The following ARHGAP28 variants were observed in gnomAD, a reference collection of about 807,000 sequenced individuals.
The protein encoded by ARHGAP28 is Rho GTPase activating protein 28.
In ARHGAP28, 56 loss-of-function variants were observed where a neutral mutation model predicts 90.7. That is an observed-to-expected ratio of 0.62 (90% CI 0.50 to 0.77). The LOEUF (loss-of-function observed/expected upper bound fraction) is 0.77. Among genes scored for constraint, ARHGAP28 ranks in the 30% least tolerant of loss-of-function variants. The pLI is 0.00. For missense variants in ARHGAP28, 869 were observed against 900.9 expected (o/e 0.96, Z 0.45); for synonymous variants, 308 against 323.3 (o/e 0.95, Z 0.51).
At chr18:6,831,378 A>G (rs970573791) in intron 2 of ARHGAP28, among the ~76,000 whole-genome samples, 6 of 150,440 alleles carry the variant, frequency 4.0e-5, no homozygotes, top group Admixed American at 1.3e-4. Context: ...GTCCATTCAT[A>G]TTCTTAATGA....
intron 1 of ARHGAP28, among the ~76,000 whole-genome samples, chr18:6,776,730 C>T (rs1361974887): frequency 2.0e-5 from 3 of 152,122 alleles, no homozygotes; most frequent in Non-Finnish European, 4.4e-5. Context: ...AACGGGGTGT[C>T]AGAGTGGTAC....
intron 17 of ARHGAP28, 46 bp downstream of exon 17, chr18:6,909,070 C>CT (rs1362772389): frequency 2.8e-6 from 3 of 1,069,026 alleles, no homozygotes; most frequent in Non-Finnish European, 4.2e-6. Flanking sequence ...TCTGATTACT[C>CT]TAAAAGAAAT....
At chr18:6,827,391 T>A (rs764733958) in intron 2 of ARHGAP28, among the ~76,000 whole-genome samples, 179 of 121,862 alleles carry the variant, frequency 1.5e-3, no homozygotes, top group Non-Finnish European at 2.3e-3. Context: ...CCCTCCGAGA[T>A]GGGGCGGCTG....
chr18:6,795,063 G>A (rs1020282710), intron 1 of ARHGAP28, among the ~76,000 whole-genome samples: 1 of 152,134 alleles, frequency 6.6e-6, no homozygotes, highest in Non-Finnish European at 1.5e-5. Flanking sequence ...GAAATCAACT[G>A]AAGCACTGAA....
At chr18:6,756,564 A>G (rs1015697980) in intron 1 of ARHGAP28, among the ~76,000 whole-genome samples, 2 of 152,198 alleles carry the variant, frequency 1.3e-5, no homozygotes, top group Non-Finnish European at 2.9e-5. Context: ...TATTTGGTGT[A>G]TAGTCAGGGT....
At chr18:6,813,846 A>G (rs1384604819) in intron 1 of ARHGAP28, among the ~76,000 whole-genome samples, 3 of 152,120 alleles carry the variant, frequency 2.0e-5, no homozygotes, top group Non-Finnish European at 2.9e-5. Context: ...GTGGTGATTT[A>G]TTCAGGCATT....
intron 3 of ARHGAP28, among the ~76,000 whole-genome samples, chr18:6,838,820 T>C (rs145192497): frequency 0.016 from 2,417 of 152,296 alleles, 38 homozygotes; most frequent in Non-Finnish European, 0.022. Context: ...GATGGTGGGA[T>C]TGTCTACAGC....
chr18:6,781,292 T>A (rs1433883974), intron 1 of ARHGAP28, among the ~76,000 whole-genome samples: 1 of 152,178 alleles, frequency 6.6e-6, no homozygotes, highest in Non-Finnish European at 1.5e-5. Context: ...AGAGTGGATC[T>A]ATGGGGTGGC....
chr18:6,862,950 A>G (rs1273163109), intron 5 of ARHGAP28, among the ~76,000 whole-genome samples: 1 of 152,178 alleles, frequency 6.6e-6, no homozygotes, highest in South Asian at 2.1e-4. Context: ...TTTTGCAGAT[A>G]TATAAGGAAA....
chr18:6,849,323 T>A (rs963814952), intron 3 of ARHGAP28, among the ~76,000 whole-genome samples: 1 of 150,670 alleles, frequency 6.6e-6, no homozygotes, highest in African/African-American at 2.4e-5. Context: ...AACTTCTCAC[T>A]GAGATAGAAG....
chr18:6,847,558 C>T (rs1227681799), intron 3 of ARHGAP28, among the ~76,000 whole-genome samples: 4 of 151,524 alleles, frequency 2.6e-5, no homozygotes, highest in African/African-American at 4.9e-5. Flanking sequence ...TTACCTTTTT[C>T]GAATCTAACC....
At chr18:6,825,065 C>A in intron 2 of ARHGAP28, 101 bp downstream of exon 2, 2 of 1,068,798 alleles carry the variant, frequency 1.9e-6, no homozygotes, top group Non-Finnish European at 2.6e-6. Flanking sequence ...ATAGTTTAAC[C>A]AATGAATCAG....
chr18:6,742,615 G>C (rs1040842661), intron 1 of ARHGAP28, among the ~76,000 whole-genome samples: 2 of 152,156 alleles, frequency 1.3e-5, no homozygotes, highest in Non-Finnish European at 2.9e-5. Context: ...TATATGCTCA[G>C]CAGACAGGTG....
At chr18:6,894,397 C>T (rs552966936) in intron 14 of ARHGAP28, among the ~76,000 whole-genome samples, 68 of 152,256 alleles carry the variant, frequency 4.5e-4, no homozygotes, top group African/African-American at 1.5e-3. Context: ...TATGTTCTTT[C>T]CCCTTTAACA....
intron 1 of ARHGAP28, among the ~76,000 whole-genome samples, chr18:6,757,450 G>A (rs1037849770): frequency 4.6e-5 from 7 of 152,226 alleles, no homozygotes; most frequent in South Asian, 4.1e-4. Context: ...TGAAAGGAAC[G>A]TATCTGAAGT....
At chr18:6,839,430 A>AC (rs1216181103) in intron 3 of ARHGAP28, among the ~76,000 whole-genome samples, 1 of 151,546 alleles carries the variant, frequency 6.6e-6, no homozygotes, top group African/African-American at 2.4e-5. Flanking sequence ...AGTAACTGGG[A>AC]CTATAGGCGC....
chr18:6,780,556 G>A (rs192082391), intron 1 of ARHGAP28, among the ~76,000 whole-genome samples: 1 of 152,164 alleles, frequency 6.6e-6, no homozygotes, highest in East Asian at 1.9e-4. Flanking sequence ...GCTGAGGGAT[G>A]CCTGTATAAC....
intron 1 of ARHGAP28, among the ~76,000 whole-genome samples, chr18:6,730,450 A>G (rs1280417484): frequency 6.6e-6 from 1 of 152,122 alleles, no homozygotes; most frequent in Non-Finnish European, 1.5e-5. Context: ...TTTTAAAGAC[A>G]ATTTTATTTC....
chr18:6,890,349 G>A (rs553306535), intron 13 of ARHGAP28, 81 bp from the exon 14 acceptor site: 41 of 904,072 alleles, frequency 4.5e-5, no homozygotes, highest in Non-Finnish European at 6.5e-5. Flanking sequence ...ACTGGGAGGA[G>A]TTGCCATGCC....
Sources: allele counts gnomAD v4.1 joint callset (sites outside exome capture counted in the v4.1 genomes callset), GRCh38; gene constraint gnomAD v4.1.1; transcripts MANE v1.5; gene names NCBI Gene and HGNC (gene_info 2026-07-23, HGNC 2026-07-21).